PTPRN2: variants seen among roughly 807,000 people sequenced by gnomAD.
PTPRN2 encodes protein tyrosine phosphatase receptor type N2, also known as receptor-type tyrosine-protein phosphatase N2.
PTPRN2 carries 74 observed loss-of-function variants against 118.8 expected under a neutral mutation model. The ratio of observed to expected loss-of-function variants is 0.62; its 90% CI spans 0.52 to 0.76. The LOEUF (loss-of-function observed/expected upper bound fraction) is 0.76, where lower values mean the gene tolerates loss of function less well. Among genes scored for constraint, PTPRN2 ranks in the 30% least tolerant of loss-of-function variants. The pLI, the probability that PTPRN2 is intolerant of heterozygous loss-of-function variation, is 0.00. For synonymous variants in PTPRN2, 641 were observed against 608.0 expected (o/e 1.05, Z -0.80); for missense variants, 1,481 against 1,394.4 (o/e 1.06, Z -0.99).
intron 2 of PTPRN2, among the ~76,000 whole-genome samples, chr7:158,417,452 C>G (rs1160342912): frequency 6.7e-6 from 1 of 149,124 alleles, no homozygotes; most frequent in African/African-American, 2.5e-5. Flanking sequence ...CTTTCAGTGT[C>G]CCGCTGTGTT....
At chr7:157,798,353 C>G (rs573736441) in intron 12 of PTPRN2, among the ~76,000 whole-genome samples, 6 of 152,358 alleles carry the variant, frequency 3.9e-5, no homozygotes, top group African/African-American at 1.4e-4. Flanking sequence ...TTTGTCACCT[C>G]TGGGAGATGA....
chr7:158,007,335 C>T (rs960001028), intron 11 of PTPRN2, among the ~76,000 whole-genome samples: 6 of 151,910 alleles, frequency 3.9e-5, no homozygotes, highest in Admixed American at 1.3e-4. Flanking sequence ...AAGCAGGGGA[C>T]GAGGGATCAG....
rs1313097709 is a variant in PTPRN2 at position 157,622,139 on chromosome 7, C to T, written c.2197-630G>A. 6.6e-6 allele frequency among the ~76,000 whole-genome samples: 1 copy of T among 152,082 alleles called. No individual in the cohort carries two copies. The highest frequency in any genetic ancestry group is 1.5e-5 in the Non-Finnish European group (1 of 68,038). On this transcript the variant is annotated intron_variant, in intron 14 of 22. Coordinates refer to ENST00000389418, the MANE Select transcript of PTPRN2 (RefSeq NM_002847.5). The surrounding 1 kb of genome is among the most constrained non-coding windows in gnomAD (Gnocchi z 5.3). ...ACCCCCATGCCGCCAGCACAGCCCACTCGGTTCTTATTCATCTGTACCGTT... is the reference window on the plus strand; with the variant it reads ...ACCCCCATGCCGCCAGCACAGCCCATTCGGTTCTTATTCATCTGTACCGTT...
intron 6 of PTPRN2, among the ~76,000 whole-genome samples, chr7:158,163,851 G>T (rs1043980213): frequency 6.6e-6 from 1 of 152,196 alleles, no homozygotes; most frequent in Non-Finnish European, 1.5e-5. Context: ...ACGCCTGTAC[G>T]GGGTTCTCAA....
intron 12 of PTPRN2, among the ~76,000 whole-genome samples, chr7:157,833,962 G>T (rs1387175643): frequency 3.3e-5 from 5 of 152,216 alleles, no homozygotes; most frequent in Admixed American, 3.3e-4. Context: ...TGCAGCCCCA[G>T]ATTCTCTCTG....
At chr7:158,270,945 CCCCACCTGGACCACCCCT>C (rs1798420069) in intron 3 of PTPRN2, among the ~76,000 whole-genome samples, 2 of 60,440 alleles carry the variant, frequency 3.3e-5, no homozygotes, top group African/African-American at 8.1e-5. Context: ...TGGACCACCC[CCCCACCTGGACCACCCCT>C]CCACCTGGAC....
chr7:158,239,938 G>A (rs529376431), intron 3 of PTPRN2, among the ~76,000 whole-genome samples: 3 of 152,278 alleles, frequency 2.0e-5, no homozygotes, highest in African/African-American at 7.2e-5. Flanking sequence ...TGTGGTGCGG[G>A]CAATACACAG....
At chr7:157,685,174 C>T (rs1353692835) in intron 12 of PTPRN2, among the ~76,000 whole-genome samples, 1 of 151,852 alleles carries the variant, frequency 6.6e-6, no homozygotes, top group African/African-American at 2.4e-5. Flanking sequence ...GGAGGGGGCG[C>T]CCGCCGCCCT....
intron 14 of PTPRN2, among the ~76,000 whole-genome samples, chr7:157,633,760 G>A (rs1341233926): frequency 1.3e-5 from 2 of 152,208 alleles, no homozygotes; most frequent in Non-Finnish European, 2.9e-5. Flanking sequence ...AGGGAAGGTC[G>A]GGGCTGCAGA....
At chr7:158,370,660 G>A (rs1035913862) in intron 2 of PTPRN2, among the ~76,000 whole-genome samples, 6 of 151,732 alleles carry the variant, frequency 4.0e-5, no homozygotes, top group African/African-American at 1.2e-4. Context: ...GCTGAAGCAG[G>A]AGAATGCCAT....
chr7:158,140,636 C>T lies in PTPRN2; in HGVS notation c.911-2121G>A, dbSNP rs1043370931. Among the ~76,000 whole-genome samples the T allele has an allele frequency of 8.5e-5, 13 of 152,168 alleles. 1 individual carries two copies. Among genetic ancestry groups the T allele is most frequent in the Admixed American group, 5.2e-4 (8 of 15,272 alleles). On this transcript the variant is annotated intron_variant, in intron 6 of 22. Transcript: ENST00000389418. ...ACAGAAGATGAAGTTCAAGGATGGG[C>T]GAGGTCTGCCCAGGGCAACCAGAGC...
In PTPRN2 at chr7:158,578,846, TC is replaced by T. The variant is rs1401807253; in HGVS notation, c.112+8711del. On this transcript the variant is annotated intron_variant, in intron 1 of 22. Transcript: ENST00000389418. Reference sequence around the variant, plus strand: ...GGCACAATCTCATTTCACTGCATCCTCCATCTTCCAGGTTCAAGTGATTCTC... The same window carrying T: ...GGCACAATCTCATTTCACTGCATCCTCATCTTCCAGGTTCAAGTGATTCTC... Among the ~76,000 whole-genome samples, 8 of 152,210 alleles carry T rather than the reference TC, an allele frequency of 5.3e-5. No homozygotes were observed. In the East Asian group the frequency reaches 1.4e-3, roughly 26 times the overall value.
chr7:157,919,530 A>C (rs971170937), intron 11 of PTPRN2, among the ~76,000 whole-genome samples: 2 of 152,218 alleles, frequency 1.3e-5, no homozygotes, highest in African/African-American at 4.8e-5. Context: ...ACTTGAGGGA[A>C]GAAATTAAGT....
chr7:157,678,582 C>T (rs1422301044), intron 13 of PTPRN2, among the ~76,000 whole-genome samples: 1 of 152,162 alleles, frequency 6.6e-6, no homozygotes, highest in Non-Finnish European at 1.5e-5. Context: ...GCAGCAATTG[C>T]CACCACACTG....
At chr7:158,454,916 C>T (rs538049673) in intron 2 of PTPRN2, among the ~76,000 whole-genome samples, 4 of 152,216 alleles carry the variant, frequency 2.6e-5, no homozygotes, top group South Asian at 2.1e-4. Context: ...ACAGCCTCAG[C>T]GACCCCCCGG....
chr7:158,299,972 T>C lies in PTPRN2; in HGVS notation c.277+16847A>G, dbSNP rs553044287. Among the ~76,000 whole-genome samples the C allele has an allele frequency of 2.6e-5, 4 of 152,322 alleles. No individual in the cohort carries two copies. In the East Asian group the frequency reaches 7.7e-4, roughly 29 times the overall value. On this transcript the variant is annotated intron_variant, in intron 3 of 22. Coordinates refer to ENST00000389418, the MANE Select transcript of PTPRN2 (RefSeq NM_002847.5). ...GCCTTTTCCGGTTAACACCACTGAA[T>C]GGTTCATGGGGTCAGAGCAGGCAAA...
At chr7:157,855,664 G>A (rs1269574523) in intron 12 of PTPRN2, among the ~76,000 whole-genome samples, 3 of 152,214 alleles carry the variant, frequency 2.0e-5, no homozygotes, top group African/African-American at 2.4e-5. Context: ...CGGCGGGAGC[G>A]TTAGAGCTGA....
At chr7:158,462,921 A>G (rs1819109631) in intron 2 of PTPRN2, among the ~76,000 whole-genome samples, 1 of 152,254 alleles carries the variant, frequency 6.6e-6, no homozygotes, top group South Asian at 2.1e-4. Flanking sequence ...CAGTGCAACA[A>G]CTTGGGGGTT....
intron 4 of PTPRN2, among the ~76,000 whole-genome samples, chr7:158,195,139 G>A (rs533884082): frequency 6.6e-6 from 1 of 152,290 alleles, no homozygotes; most frequent in East Asian, 1.9e-4. Flanking sequence ...TGTGGGTGAT[G>A]ATGTCCTTCA....
Sources: allele counts gnomAD v4.1 joint callset (sites outside exome capture counted in the v4.1 genomes callset), GRCh38; gene constraint gnomAD v4.1.1; non-coding constraint Gnocchi (gnomAD v3.1); transcripts MANE v1.5; gene names NCBI Gene and HGNC (gene_info 2026-07-23, HGNC 2026-07-21).